The following COL10A1 variants were observed in gnomAD, a reference collection of about 807,000 sequenced individuals.
COL10A1 encodes collagen type X alpha 1 chain.
In COL10A1, 10 loss-of-function variants were observed where a neutral mutation model predicts 18.2. The observed-to-expected ratio is 0.55, with a 90% CI of 0.34 to 0.93. COL10A1 has a LOEUF of 0.93. Among genes scored for constraint, COL10A1 ranks in the 40% least tolerant of loss-of-function variants. The pLI, the probability that COL10A1 is intolerant of heterozygous loss-of-function variation, is 0.02. For synonymous variants in COL10A1, 330 were observed against 316.6 expected, an observed-to-expected ratio of 1.04 and a Z score of -0.45; for missense variants, 897 against 853.5, an observed-to-expected ratio of 1.05 and a Z score of -0.64.
chr6:116,139,090 A>G (rs1297388511), intron 1 of COL10A1, among the ~76,000 whole-genome samples: 2 of 152,150 alleles, frequency 1.3e-5, no homozygotes, highest in African/African-American at 4.8e-5. Context: ...TATTCTTATG[A>G]TTTATAGCAC....
At chr6:116,161,365 A>G (rs985561544), upstream of COL10A1, among the ~76,000 whole-genome samples, 21 of 152,108 alleles carry the variant, frequency 1.4e-4, no homozygotes, top group African/African-American at 4.8e-4. Context: ...AATAATAAAG[A>G]TGCATTGATA....
the COL10A1 span, among the ~76,000 whole-genome samples, chr6:116,189,476 T>C: frequency 1.3e-5 from 2 of 151,978 alleles, no homozygotes; most frequent in Non-Finnish European, 2.9e-5. Flanking sequence ...TCTAACTATA[T>C]TTTGCAAGCA....
chr6:116,133,326 T>C (rs1490949274), intron 1 of COL10A1, among the ~76,000 whole-genome samples: 1 of 152,198 alleles, frequency 6.6e-6, no homozygotes, highest in Non-Finnish European at 1.5e-5. Context: ...CAGTTTCTGC[T>C]AAGTTGGAAG....
At chr6:116,207,370 C>CAAA in the COL10A1 span, among the ~76,000 whole-genome samples, 4 of 151,284 alleles carry the variant, frequency 2.6e-5, no homozygotes, top group Non-Finnish European at 4.4e-5. Context: ...AGAGAGAAAG[C>CAAA]AAAAAAAATC....
chr6:116,126,880 G>A (rs1013999560), upstream of COL10A1, among the ~76,000 whole-genome samples: 28 of 152,110 alleles, frequency 1.8e-4, 1 homozygote, highest in Non-Finnish European at 2.9e-5. Context: ...TTAACTTGCA[G>A]TTAGGAATCA....
At chr6:116,149,999 C>G (rs1779997190) in intron 1 of COL10A1, among the ~76,000 whole-genome samples, 1 of 152,194 alleles carries the variant, frequency 6.6e-6, no homozygotes, top group Admixed American at 6.5e-5. Flanking sequence ...CCTTTGACAT[C>G]TGCCCCCCAA....
At chr6:116,142,062 A>G (rs1343236913) in intron 1 of COL10A1, among the ~76,000 whole-genome samples, 1 of 152,108 alleles carries the variant, frequency 6.6e-6, no homozygotes, top group South Asian at 2.1e-4. Context: ...GCTGATTTGT[A>G]CATGGTAACA....
At chr6:116,136,703 C>G (rs1779614073) in intron 1 of COL10A1, among the ~76,000 whole-genome samples, 1 of 152,100 alleles carries the variant, frequency 6.6e-6, no homozygotes, top group South Asian at 2.1e-4. Context: ...GATAAAAATC[C>G]ATATGCTGTT....
chr6:116,197,243 G>T, the COL10A1 span, among the ~76,000 whole-genome samples: 13 of 151,906 alleles, frequency 8.6e-5, no homozygotes, highest in African/African-American at 3.1e-4. Flanking sequence ...TAATGATGTC[G>T]ATGTCAGCTT....
chr6:116,163,141 A>AATATATATATATATATAT (rs1554197063), upstream of COL10A1, among the ~76,000 whole-genome samples: 26 of 88,364 alleles, frequency 2.9e-4, no homozygotes, highest in African/African-American at 1.3e-3. Flanking sequence ...AAAAAAAAAA[A>AATATATATATATATATAT]ATATATATAT....
chr6:116,170,528 C>T, the COL10A1 span, among the ~76,000 whole-genome samples: 1 of 152,044 alleles, frequency 6.6e-6, no homozygotes, highest in Non-Finnish European at 1.5e-5. Flanking sequence ...CAGAAGTGTA[C>T]GTAAAGTACC....
chr6:116,209,942 T>G, the COL10A1 span, among the ~76,000 whole-genome samples: 1 of 152,070 alleles, frequency 6.6e-6, no homozygotes, highest in Non-Finnish European at 1.5e-5. Flanking sequence ...CATATAGATT[T>G]AGACACATAA....
chr6:116,158,826 T>G (rs1475999254), upstream of COL10A1: 1 of 152,220 alleles, frequency 6.6e-6, no homozygotes, highest in Non-Finnish European at 1.5e-5. Context: ...AATCATATGC[T>G]GGCTACCGAA....
chr6:116,163,126 CA>C (rs71272373), upstream of COL10A1, among the ~76,000 whole-genome samples: 9 of 84,324 alleles, frequency 1.1e-4, no homozygotes, highest in East Asian at 2.7e-4. Flanking sequence ...GACTCCGTCT[CA>C]AAAAAAAAAA....
chr6:116,179,769 C>G, the COL10A1 span, among the ~76,000 whole-genome samples: 2 of 151,978 alleles, frequency 1.3e-5, no homozygotes, highest in African/African-American at 4.8e-5. Context: ...CTTTGATGTC[C>G]TGGTTTGGTT....
the COL10A1 span, among the ~76,000 whole-genome samples, chr6:116,177,952 G>A: frequency 6.6e-6 from 1 of 152,006 alleles, no homozygotes; most frequent in Non-Finnish European, 1.5e-5. Flanking sequence ...TAGTTTCATA[G>A]TATAAAAATA....
At chr6:116,187,737 A>G in the COL10A1 span, among the ~76,000 whole-genome samples, 1 of 152,126 alleles carries the variant, frequency 6.6e-6, no homozygotes, top group Non-Finnish European at 1.5e-5. Flanking sequence ...ACAAATATGA[A>G]AGGCAAATCA....
rs535500195 is a variant in COL10A1 at position 116,140,539 on chromosome 6, A to T, written c.-15-15032T>A. Among the ~76,000 whole-genome samples the T allele has an allele frequency of 2.0e-5, 3 of 152,288 alleles. No homozygotes were observed. In the East Asian group the frequency reaches 5.8e-4, roughly 29 times the overall value. ...CATGTATGTGTATCTGCTACCCAGC[A>T]AAAGAAACTTAACATTAGCATTCTT... On this transcript the variant is annotated intron_variant, in intron 1 of 1. Coordinates refer to the COL10A1 transcript ENST00000418500.
At position 116,122,849 on chromosome 6, in the gene COL10A1, A is replaced by C. The variant is rs140230341; in HGVS notation, c.155-888T>G. Among the ~76,000 whole-genome samples, 522 of 152,342 alleles carry C rather than the reference A, an allele frequency of 3.4e-3. 2 individuals are homozygous for C. Among genetic ancestry groups the C allele is most frequent in the African/African-American group, 0.012 (495 of 41,586 alleles). On this transcript the variant is annotated intron_variant, in intron 2 of 2. Coordinates refer to ENST00000651968, the MANE Select transcript of COL10A1 (RefSeq NM_000493.4). Reference sequence around the variant, plus strand: ...TTTTACTAATTAGAGTTATATTTCAATTTGAAAACATTGATTAATATAAAT... The same window carrying C: ...TTTTACTAATTAGAGTTATATTTCACTTTGAAAACATTGATTAATATAAAT...
Sources: gnomAD v4.1 joint callset for allele counts (sites outside exome capture counted in the v4.1 genomes callset) on GRCh38, gnomAD v4.1.1 for gene constraint, MANE v1.5 for transcripts, NCBI Gene and HGNC (gene_info 2026-07-23, HGNC 2026-07-21) for gene names.